PLB1: variants seen among roughly 807,000 people sequenced by gnomAD.
The protein encoded by PLB1 is phospholipase B1, membrane-associated.
In PLB1, 242 loss-of-function variants were observed where a neutral mutation model predicts 227.4. That is an observed-to-expected ratio of 1.06 (90% CI 0.96 to 1.18). PLB1 has a LOEUF of 1.18. PLB1 is among the 50% of genes most tolerant of loss of function. The probability of loss-of-function intolerance (pLI) is 0.00; values close to 1 mark genes in which losing one functional copy is unlikely to be tolerated. For missense variants in PLB1, 1,858 were observed against 1,816.3 expected, an observed-to-expected ratio of 1.02 and a Z score of -0.42; for synonymous variants, 757 against 682.2, an observed-to-expected ratio of 1.11 and a Z score of -1.71.
intron 56 of PLB1, among the ~76,000 whole-genome samples, chr2:28,637,186 G>C (rs1055441659): frequency 1.3e-5 from 2 of 151,840 alleles, no homozygotes; most frequent in South Asian, 4.1e-4. Flanking sequence ...CCAGCTACTT[G>C]GGAGGCTGAG....
chr2:28,518,228 A>G (rs1387155622), intron 2 of PLB1, among the ~76,000 whole-genome samples: 1 of 151,098 alleles, frequency 6.6e-6, no homozygotes, highest in African/African-American at 2.4e-5. Flanking sequence ...TTCCCTCTCT[A>G]CTCCACTGTT....
intron 1 of PLB1, among the ~76,000 whole-genome samples, chr2:28,511,339 TG>T (rs1668235947): frequency 6.6e-6 from 1 of 152,224 alleles, no homozygotes. Context: ...AATTTAAGAA[TG>T]ATTCTTGTCT....
intron 13 of PLB1, 136 bp downstream of exon 13, chr2:28,541,947 A>G (rs1672556221): frequency 1.5e-6 from 1 of 672,522 alleles, no homozygotes. Flanking sequence ...AACCCAGCCA[A>G]CATGGTGAAA....
At chr2:28,639,790 C>T (rs1399819747) in intron 56 of PLB1, among the ~76,000 whole-genome samples, 1 of 152,224 alleles carries the variant, frequency 6.6e-6, no homozygotes, top group Admixed American at 6.5e-5. Flanking sequence ...AATAATACTA[C>T]CTTATGTATG....
rs13398158 is a variant in PLB1 at position 28,546,400 on chromosome 2, G to A, written c.937-2460G>A. On this transcript the variant is annotated intron_variant, in intron 14 of 57. Transcript: ENST00000327757. ...TTGGGGATTGCTCACAGTCCAGGGA[G>A]GATTCTGCTGCTCGGAGAGGATTTT... Among the ~76,000 whole-genome samples, 1,516 of 152,250 alleles carry A rather than the reference G, an allele frequency of 1.0e-2. 19 individuals are homozygous for A. Among genetic ancestry groups the A allele is most frequent in the African/African-American group, 0.034 (1,427 of 41,540 alleles).
rs756864619 is a variant in PLB1, at chr2:28,550,082, G to A, written c.1081G>A (p.Glu361Lys). The part of the protein sequence containing the change: ...TRLQKPQDKL[E>K]VREGAEIRCP... ...ACTGCAGAAACCCCAAGACAAGCTT[G>A]AGGTAAGGAAAGGTTTTCTGTAATT... Residue 361 changes from glutamate to lysine, a missense_variant and splice_region_variant, in exon 16 of 58, where the codon GAG (glutamate) becomes AAG (lysine). Glu to Lys is a moderately conservative substitution (Grantham distance 56). Coordinates refer to ENST00000327757, the MANE Select transcript of PLB1 (RefSeq NM_153021.5). 1 of 1,610,460 alleles carries A rather than the reference G, an allele frequency of 6.2e-7. No homozygotes were observed. The highest frequency in any genetic ancestry group is 8.5e-7 in the Non-Finnish European group (1 of 1,177,402).
intron 21 of PLB1, among the ~76,000 whole-genome samples, chr2:28,576,495 CG>C (rs1678963811): frequency 6.6e-6 from 1 of 152,078 alleles, no homozygotes; most frequent in Non-Finnish European, 1.5e-5. Context: ...TTTGGGAGGC[CG>C]AGGTGGGTGG....
chr2:28,518,537 G>A lies in PLB1; in HGVS notation c.184+5G>A, dbSNP rs201417114. The A allele has an allele frequency of 4.4e-6, 7 of 1,607,592 alleles. 1 individual carries two copies. In the East Asian group the frequency reaches 1.3e-4, roughly 31 times the overall value. On this transcript the variant is annotated splice_donor_5th_base_variant and intron_variant, in intron 3 of 57. Transcript: ENST00000327757. ...TGAATATGCCTTCTAAATCAGGTAT[G>A]TAACCCTTGGCCATGAGCAGGAAAA...
At chr2:28,610,855 A>G (rs959948202) in intron 43 of PLB1, among the ~76,000 whole-genome samples, 2 of 151,498 alleles carry the variant, frequency 1.3e-5, no homozygotes, top group Non-Finnish European at 2.9e-5. Context: ...TGGAACTACT[A>G]GACCGGTTCC....
At chr2:28,550,182 T>TG in intron 16 of PLB1, 98 bp downstream of exon 16, 1 of 1,002,590 alleles carries the variant, frequency 1.0e-6, no homozygotes, top group Non-Finnish European at 1.4e-6. Flanking sequence ...TTTTTTTTTT[T>TG]TTTCTTTTGA....
intron 17 of PLB1, among the ~76,000 whole-genome samples, chr2:28,556,133 G>C (rs1046776583): frequency 6.6e-6 from 1 of 152,146 alleles, no homozygotes; most frequent in Non-Finnish European, 1.5e-5. Context: ...ATAGTGCTGG[G>C]ATTATAGGCA....
chr2:28,603,897 G>A, intron 39 of PLB1, 69 bp from the exon 40 acceptor site: 4 of 1,451,514 alleles, frequency 2.8e-6, no homozygotes, highest in Non-Finnish European at 3.9e-6. Context: ...CCCTGAACCT[G>A]GGCAATCAGA....
At position 28,571,818 on chromosome 2, in the gene PLB1, A is replaced by G. The variant is rs143280173; in HGVS notation, c.1325-1379A>G. On this transcript the variant is annotated intron_variant, in intron 20 of 57. Transcript: ENST00000327757. ...AAAATGAATCATAGACCTAAATGTA[A>G]GAGCTAAAACTAACTCTAGGAAGAA... is the stretch of plus-strand genomic sequence containing the variant. Among the ~76,000 whole-genome samples, 34 of 152,308 alleles carry G rather than the reference A, an allele frequency of 2.2e-4. 2 individuals carry two copies. The East Asian group carries it at 6.6e-3, about 29-fold the overall frequency.
At chr2:28,530,793 A>G (rs1039691843) in intron 8 of PLB1, among the ~76,000 whole-genome samples, 1 of 152,372 alleles carries the variant, frequency 6.6e-6, no homozygotes, top group South Asian at 2.1e-4. Flanking sequence ...CAGGAAGTGA[A>G]GTGAAGGTCA....
chr2:28,642,014 C>CT (rs548218450), intron 57 of PLB1, among the ~76,000 whole-genome samples: 253 of 152,222 alleles, frequency 1.7e-3, no homozygotes, highest in Non-Finnish European at 3.0e-3. Flanking sequence ...CAGGCCTTTC[C>CT]TTTTGCCATC....
intron 54 of PLB1, 46 bp downstream of exon 54, chr2:28,630,710 CT>C (rs747358661): frequency 1.6e-5 from 25 of 1,520,184 alleles, no homozygotes; most frequent in South Asian, 2.4e-5. Flanking sequence ...GGGGGGCCCC[CT>C]GTACTCCAAG....
chr2:28,618,596 C>A, intron 46 of PLB1, 197 bp downstream of exon 46: 1 of 586,010 alleles, frequency 1.7e-6, no homozygotes, highest in Non-Finnish European at 3.0e-6. Context: ...CTGCTCAAAG[C>A]CCCCTCGTCC....
chr2:28,572,837 C>T (rs1558795951), intron 20 of PLB1, among the ~76,000 whole-genome samples: 1 of 152,116 alleles, frequency 6.6e-6, no homozygotes, highest in Non-Finnish European at 1.5e-5. Flanking sequence ...GATGATTGTA[C>T]AACTGTGTGA....
At chr2:28,617,880 C>A (rs575133386) in intron 45 of PLB1, 93 bp downstream of exon 45, 5 of 1,302,544 alleles carry the variant, frequency 3.8e-6, no homozygotes, top group African/African-American at 2.9e-5. Context: ...GAGCTTTAAG[C>A]AGGACTTGCT....
Sources: gnomAD v4.1 joint callset for allele counts (sites outside exome capture counted in the v4.1 genomes callset) on GRCh38, gnomAD v4.1.1 for gene constraint, MANE v1.5 for transcripts, NCBI Gene and HGNC (gene_info 2026-07-23, HGNC 2026-07-21) for gene names.